CSMD1: variants seen among roughly 807,000 people sequenced by gnomAD.
CSMD1 encodes CUB and sushi domain-containing protein 1.
CSMD1 carries 213 observed loss-of-function variants against 417.5 expected under a neutral mutation model. The observed-to-expected ratio is 0.51, with a 90% CI of 0.46 to 0.57. The LOEUF (loss-of-function observed/expected upper bound fraction) is 0.57. Ranked by LOEUF, CSMD1 falls within the 20% of genes least tolerant of loss-of-function variation. CSMD1 has a pLI of 0.00. For missense variants in CSMD1, 6,923 were observed against 4,529.7 expected (o/e 1.53, Z -15.17); for synonymous variants, 2,862 against 1,736.8 (o/e 1.65, Z -16.11).
At chr8:3,859,570 C>T (rs1052528685) in intron 5 of CSMD1, among the ~76,000 whole-genome samples, 21 of 152,014 alleles carry the variant, frequency 1.4e-4, no homozygotes, top group African/African-American at 3.1e-4. Flanking sequence ...AATCTTAGTG[C>T]GAAGTTGGGT....
intron 1 of CSMD1, among the ~76,000 whole-genome samples, chr8:4,813,055 G>T (rs1013648742): frequency 1.3e-5 from 2 of 152,128 alleles, no homozygotes; most frequent in African/African-American, 2.4e-5. Context: ...CCATTTTTAA[G>T]ATCCCTCTGG....
At chr8:3,160,430 ATTCT>A (rs1313626224) in intron 38 of CSMD1, among the ~76,000 whole-genome samples, 3 of 152,050 alleles carry the variant, frequency 2.0e-5, no homozygotes, top group African/African-American at 7.2e-5. Flanking sequence ...GCCTAGGATA[ATTCT>A]TTCTGACATA....
intron 26 of CSMD1, among the ~76,000 whole-genome samples, chr8:3,238,024 A>T (rs1183135925): frequency 6.6e-6 from 1 of 151,818 alleles, no homozygotes; most frequent in Non-Finnish European, 1.5e-5. Flanking sequence ...ACCACCAAAC[A>T]GGCTTTGTGT....
At chr8:4,989,585 A>G (rs1004253269) in intron 1 of CSMD1, among the ~76,000 whole-genome samples, 4 of 152,250 alleles carry the variant, frequency 2.6e-5, no homozygotes, top group African/African-American at 7.2e-5. Context: ...GTTATCTTAC[A>G]GAGCGAAGTG....
At chr8:3,627,538 A>G (rs975187522) in intron 7 of CSMD1, among the ~76,000 whole-genome samples, 2 of 152,204 alleles carry the variant, frequency 1.3e-5, no homozygotes, top group African/African-American at 4.8e-5. Context: ...TATGTTCCTC[A>G]TCATAGTACA....
intron 1 of CSMD1, among the ~76,000 whole-genome samples, chr8:4,907,018 A>G (rs1446322483): frequency 2.6e-5 from 4 of 152,352 alleles, no homozygotes; most frequent in East Asian, 1.9e-4. Flanking sequence ...TATATGTCTT[A>G]AAGTGCCATC....
chr8:4,670,997 C>T (rs1318966209), intron 1 of CSMD1, among the ~76,000 whole-genome samples: 2 of 152,170 alleles, frequency 1.3e-5, no homozygotes, highest in African/African-American at 2.4e-5. Flanking sequence ...TCAAGAAGCT[C>T]CTTAAGCTTG....
intron 5 of CSMD1, among the ~76,000 whole-genome samples, chr8:3,938,922 A>C (rs972644349): frequency 6.6e-6 from 1 of 152,174 alleles, no homozygotes; most frequent in Non-Finnish European, 1.5e-5. Context: ...TATCATTCTC[A>C]AACACAGTAA....
In CSMD1 at chr8:4,962,989, G is replaced by A. The variant is rs576163048; in HGVS notation, c.85+31343C>T. Reference sequence around the variant, plus strand: ...GAAAAGGATCGAAGAATCTAGTGACGCTATATACGTATTTTTCAACCAGGT... The same window carrying A: ...GAAAAGGATCGAAGAATCTAGTGACACTATATACGTATTTTTCAACCAGGT... On this transcript the variant is annotated intron_variant, in intron 1 of 69. Transcript: ENST00000635120. Among the ~76,000 whole-genome samples, 20 of 152,188 alleles carry A rather than the reference G, an allele frequency of 1.3e-4. No individual in the cohort carries two copies. In the East Asian group the frequency reaches 3.5e-3, roughly 27 times the overall value.
At chr8:3,058,060 A>T (rs564481243) in intron 49 of CSMD1, among the ~76,000 whole-genome samples, 2 of 152,138 alleles carry the variant, frequency 1.3e-5, no homozygotes, top group African/African-American at 4.8e-5. Flanking sequence ...TTCTACCCCA[A>T]ATATTCTTCT....
chr8:3,259,808 G>A (rs564896441), intron 26 of CSMD1, among the ~76,000 whole-genome samples: 16 of 152,294 alleles, frequency 1.1e-4, no homozygotes, highest in African/African-American at 3.8e-4. Context: ...AGCTAGTATT[G>A]TAGCTTGAAA....
intron 5 of CSMD1, among the ~76,000 whole-genome samples, chr8:3,886,371 C>A (rs1392168826): frequency 6.6e-6 from 1 of 152,152 alleles, no homozygotes; most frequent in Non-Finnish European, 1.5e-5. Flanking sequence ...TTTAAACAAA[C>A]TGTGGTGGCA....
intron 10 of CSMD1, among the ~76,000 whole-genome samples, chr8:3,540,211 C>T (rs149737625): frequency 5.9e-5 from 9 of 152,256 alleles, no homozygotes; most frequent in Admixed American, 3.3e-4. Flanking sequence ...ATGTTTTAGG[C>T]TTATTAAACA....
At chr8:4,451,824 G>A (rs753647108) in intron 2 of CSMD1, among the ~76,000 whole-genome samples, 1 of 151,956 alleles carries the variant, frequency 6.6e-6, no homozygotes, top group African/African-American at 2.4e-5. Context: ...TCTTACCACA[G>A]TGAGTTTTGT....
At chr8:3,262,977 T>C (rs886334074) in intron 26 of CSMD1, among the ~76,000 whole-genome samples, 2 of 152,204 alleles carry the variant, frequency 1.3e-5, no homozygotes, top group African/African-American at 4.8e-5. Context: ...ATTCAAGAAG[T>C]ATTATGGACA....
At chr8:4,730,614 G>A (rs1043637299) in intron 1 of CSMD1, among the ~76,000 whole-genome samples, 10 of 152,064 alleles carry the variant, frequency 6.6e-5, no homozygotes, top group African/African-American at 1.4e-4. Flanking sequence ...GGTGGCGGGC[G>A]CCTGTAGTCC....
In CSMD1 at chr8:3,367,168, G is replaced by C. The variant is rs372606827; in HGVS notation, c.2979C>G (p.Ser993=). 6.2e-7 allele frequency: 1 copy of C among 1,613,584 alleles called. No homozygotes were observed. Among genetic ancestry groups the C allele is most frequent in the Non-Finnish European group, 8.5e-7 (1 of 1,179,736 alleles). ...YLLITEDGSF[S]EPVARLTGSV... The stretch of plus-strand genomic sequence containing the variant: ...ACCCGGTGAGCCTGGCAACGGGCTC[G>C]GAAAAACTTCCATCCTCTGTGATCA... The change falls in exon 20 of 70, where the codon TCC becomes TCG. Residue 993 remains serine, a synonymous_variant. Coordinates refer to ENST00000635120, the MANE Select transcript of CSMD1 (RefSeq NM_033225.6).
intron 7 of CSMD1, among the ~76,000 whole-genome samples, chr8:3,640,940 G>T (rs1456131836): frequency 1.3e-5 from 2 of 150,484 alleles, no homozygotes; most frequent in Admixed American, 6.6e-5. Flanking sequence ...GTGAGGGAAA[G>T]CAAAAGGCGA....
At chr8:4,574,192 G>C (rs892429511) in intron 2 of CSMD1, among the ~76,000 whole-genome samples, 3 of 152,166 alleles carry the variant, frequency 2.0e-5, no homozygotes, top group Non-Finnish European at 4.4e-5. Flanking sequence ...CTTGCAGCTA[G>C]CTCGGTATCT....
Sources: allele counts gnomAD v4.1 joint callset (sites outside exome capture counted in the v4.1 genomes callset), GRCh38; gene constraint gnomAD v4.1.1; transcripts MANE v1.5; gene names NCBI Gene and HGNC (gene_info 2026-07-23, HGNC 2026-07-21).